The following ARAP3 variants were observed in gnomAD, a reference collection of about 807,000 sequenced individuals.
ARAP3 encodes ArfGAP with RhoGAP domain, ankyrin repeat and PH domain 3, also known as arf-GAP with Rho-GAP domain, ANK repeat and PH domain-containing protein 3.
ARAP3 carries 82 observed loss-of-function variants against 169.2 expected under a neutral mutation model. That is an observed-to-expected ratio of 0.48 (90% CI 0.41 to 0.58). The LOEUF is 0.58. Among genes scored for constraint, ARAP3 ranks in the 20% least tolerant of loss-of-function variants. The pLI, the probability that ARAP3 is intolerant of heterozygous loss-of-function variation, is 0.00. For synonymous variants in ARAP3, 791 were observed against 800.3 expected (o/e 0.99, Z 0.20); for missense variants, 1,764 against 2,018.0 (o/e 0.87, Z 2.41).
Position 141,672,854 on chromosome 5 carries a change from G to C in ARAP3, c.1165C>G (p.Pro389Ala). 6.2e-7 allele frequency: 1 copy of C among 1,605,904 alleles called. No homozygotes were observed. Among genetic ancestry groups the C allele is most frequent in the South Asian group, 1.1e-5 (1 of 90,352 alleles). ...KEQRLLGHPR[P>A]PQPPRPLRTG... ...CGGAGGGGTCGGGGTGGTTGGGGGG[G>C]CCGGGGGTGGCCCAGGAGGCGCTGC... Residue 389 changes from proline (P) to alanine (A), a missense_variant, in exon 8 of 33, where the codon CCC becomes GCC. Transcript: ENST00000239440. This position sits in a 1 kb window ranked among gnomAD's most constrained non-coding sequence, Gnocchi z 4.9.
chr5:141,670,595 A>G lies in ARAP3; in HGVS notation c.2024T>C (p.Val675Ala), dbSNP rs749227449. The part of the protein sequence containing the change: ...PSPGVYNEVV[V>A]RATYSGFLYC... ...CAGGAAGCCGCTGTAAGTAGCACGC[A>G]CCACCACCTCATTGTACACACCAGG... The change falls in exon 14 of 33, where the codon GTG becomes GCG. Residue 675 changes from valine to alanine, a missense_variant. Val to Ala is a moderately conservative substitution (Grantham distance 64). Coordinates refer to ENST00000239440, the MANE Select transcript of ARAP3 (RefSeq NM_022481.6). 1.9e-6 allele frequency: 3 copies of G among 1,614,068 alleles called. No homozygotes were observed. In the East Asian group the frequency reaches 6.7e-5, roughly 36 times the overall value.
In ARAP3 at chr5:141,656,228, G is replaced by A. The variant is rs752150905; in HGVS notation, c.3838C>T (p.Leu1280=). ...EWPLEGAKVY[L]GIRKKLKPPT... Reference sequence around the variant, plus strand: ...GGCTTTAACTTCTTGCGGATTCCCAGGTAGACCTTGGCACCTTCCAAAGGC... The same window carrying A: ...GGCTTTAACTTCTTGCGGATTCCCAAGTAGACCTTGGCACCTTCCAAAGGC... The change falls in exon 28 of 33, where the codon CTG becomes TTG. Residue 1280 remains leucine (L), a synonymous_variant. Transcript: ENST00000239440. The A allele has an allele frequency of 5.6e-6, 9 of 1,614,130 alleles. No individual in the cohort carries two copies. In the East Asian group the frequency reaches 2.0e-4, roughly 36 times the overall value.
At chr5:141,666,815 G>A in intron 16 of ARAP3, 172 bp from the exon 17 acceptor site, 1 of 418,400 alleles carries the variant, frequency 2.4e-6, no homozygotes, top group Non-Finnish European at 4.2e-6. Flanking sequence ...CAGCCAAGGA[G>A]GAGACATGAG....
chr5:141,671,142 G>T lies in ARAP3; in HGVS notation c.1990+123C>A. 7.6e-7 allele frequency: 1 copy of T among 1,314,842 alleles called. No homozygotes were observed. The highest frequency in any genetic ancestry group is 1.1e-6 in the Non-Finnish European group (1 of 951,022). 81.4% of individuals were successfully genotyped at this position (1,314,842 alleles called of 1,614,324 possible). Reference sequence around the variant, plus strand: ...GAGATAGGCCCTGGAGGATCTGAGGGTTTGGGAAACTGCCCAGGCTGGGCC... The same window carrying T: ...GAGATAGGCCCTGGAGGATCTGAGGTTTTGGGAAACTGCCCAGGCTGGGCC... On this transcript the variant is annotated intron_variant, in intron 13 of 32. Transcript: ENST00000239440. The surrounding 1 kb of genome is among the most constrained non-coding windows in gnomAD (Gnocchi z 4.9).
chr5:141,659,840 C>A lies in ARAP3; in HGVS notation c.3206G>T (p.Arg1069Leu), dbSNP rs188314811. The change falls in exon 22 of 33, where the codon CGA (arginine) becomes CTA (leucine). Residue 1069 changes from arginine to leucine, a missense_variant. Around this residue, in one of 3 missense-constraint regions of ARAP3, gnomAD observed 1,112 missense variants for 1,285.7 expected, o/e 0.86. Coordinates refer to ENST00000239440, the MANE Select transcript of ARAP3 (RefSeq NM_022481.6). ...FAPSVFQTDGRGEHEVRVLQE... is the reference protein window; with the variant it reads ...FAPSVFQTDGLGEHEVRVLQE... ...CAGCACTCGCACCTCGTGCTCCCCT[C>A]GCCCATCCGTCTGGAACACGCTGGG... is the stretch of plus-strand genomic sequence containing the variant. 24 of 1,609,240 alleles carry A rather than the reference C, an allele frequency of 1.5e-5. No homozygotes were observed. In the East Asian group the frequency reaches 5.1e-4, roughly 34 times the overall value.
intron 4 of ARAP3, among the ~76,000 whole-genome samples, chr5:141,675,282 C>G (rs1367713592): frequency 6.6e-6 from 1 of 152,152 alleles, no homozygotes; most frequent in African/African-American, 2.4e-5. Context: ...CAGGGGTTCT[C>G]AACCTCAACA....
rs1471775263 is a variant in ARAP3, at chr5:141,676,183, AC to A, written c.699-2376del. Among the ~76,000 whole-genome samples the A allele has an allele frequency of 2.6e-5, 4 of 152,274 alleles. No homozygotes were observed. The East Asian group carries it at 5.8e-4, about 22-fold the overall frequency. On this transcript the variant is annotated intron_variant, in intron 4 of 32. Transcript: ENST00000239440. ...GCCAACATGGTGAAACCCCGTCTCTACTAAAAGTACAAAAATTAGCTGGGTG... is the reference window on the plus strand; with the variant it reads ...GCCAACATGGTGAAACCCCGTCTCTATAAAAGTACAAAAATTAGCTGGGTG...
rs1238227865 is a variant in ARAP3, at chr5:141,655,718, G to A, written c.4013C>T (p.Ser1338Phe). Reference protein sequence around the residue: ...QQPVVLRRHSSSDLARQKFGT... With the variant: ...QQPVVLRRHSFSDLARQKFGT... ...AAACTTCTGACGGGCAAGGTCAGAG[G>A]AGGAATGGCGTCGTAAGACCACTGG... is the stretch of plus-strand genomic sequence containing the variant. The change falls in exon 31 of 33, where the codon TCC (serine) becomes TTC (phenylalanine). Residue 1338 changes from serine to phenylalanine, a missense_variant. Around this residue, in one of 3 missense-constraint regions of ARAP3, gnomAD observed 1,112 missense variants for 1,285.7 expected, o/e 0.86. Transcript: ENST00000239440. The A allele has an allele frequency of 6.8e-6, 11 of 1,614,230 alleles. No individual in the cohort carries two copies. Among genetic ancestry groups the A allele is most frequent in the Non-Finnish European group, 9.3e-6 (11 of 1,180,038 alleles).
chr5:141,659,849 G>T lies in ARAP3; in HGVS notation c.3197C>A (p.Thr1066Lys). Reference sequence around the variant, plus strand: ...CACCTCGTGCTCCCCTCGCCCATCCGTCTGGAACACGCTGGGTGCAAACAG... The same window carrying T: ...CACCTCGTGCTCCCCTCGCCCATCCTTCTGGAACACGCTGGGTGCAAACAG... ...ALLFAPSVFQ[T>K]DGRGEHEVRV... The change falls in exon 22 of 33, where the codon ACG becomes AAG. Residue 1066 changes from threonine (T) to lysine (K), a missense_variant. By Grantham distance (78) the Thr-to-Lys change is moderately conservative (BLOSUM62 -1). Transcript: ENST00000239440. 6.2e-7 allele frequency: 1 copy of T among 1,606,562 alleles called. No individual in the cohort carries two copies. The highest frequency in any genetic ancestry group is 8.5e-7 in the Non-Finnish European group (1 of 1,177,092).
rs762292586 is a variant in ARAP3 at position 141,662,060 on chromosome 5, C to T, written c.2996G>A (p.Arg999His). The change falls in exon 20 of 33, where the codon CGC (arginine) becomes CAC (histidine). Residue 999 changes from arginine (R) to histidine (H), a missense_variant. Physicochemically the swap from Arg to His is conservative, Grantham distance 29 (BLOSUM62 0). Transcript: ENST00000239440. The stretch of plus-strand genomic sequence containing the variant: ...AGGAATACCAGCAGCCTCCCTCCAG[C>T]GAGGCAGCAACCGTGCAGAGGTCAC... ...DPVTSARLLP[R>H]WREAAELPQK... 4.0e-5 allele frequency: 65 copies of T among 1,613,998 alleles called. No homozygotes were observed. In the East Asian group the frequency reaches 4.2e-4, roughly 11 times the overall value.
rs776332564 is a variant in ARAP3, at chr5:141,655,353, A to T, written c.4149+9T>A. 3 of 1,575,862 alleles carry T rather than the reference A, an allele frequency of 1.9e-6. No individual in the cohort carries two copies. Among genetic ancestry groups the T allele is most frequent in the Non-Finnish European group, 2.6e-6 (3 of 1,160,372 alleles). ...ACAGGCACACCGCTGGAGCAGGCAC[A>T]ATACTCACAAAGAACATGGACAGGG... On this transcript the variant is annotated intron_variant, in intron 32 of 32. Transcript: ENST00000239440.
Position 141,665,302 on chromosome 5 carries a change from G to A in ARAP3, c.2636+9C>T. ...GGGGAGCCCCAGGTCAAGGGCAGGG[G>A]CAATTTACCTTCCTGTCTCCACCAG... On this transcript the variant is annotated intron_variant, in intron 18 of 32. Coordinates refer to ENST00000239440, the MANE Select transcript of ARAP3 (RefSeq NM_022481.6). 6.2e-7 allele frequency: 1 copy of A among 1,614,128 alleles called. No homozygotes were observed. Among genetic ancestry groups the A allele is most frequent in the Non-Finnish European group, 8.5e-7 (1 of 1,179,998 alleles).
rs3075603 is a variant in ARAP3 at position 141,655,260 on chromosome 5, C to A, written c.4149+102G>T. On this transcript the variant is annotated intron_variant, in intron 32 of 32. Coordinates refer to ENST00000239440, the MANE Select transcript of ARAP3 (RefSeq NM_022481.6). ...CACACACACACACACACACACACAC[C>A]CCCTGATGGCCTACATGAGGAAAAC... 6.3e-3 allele frequency: 5,270 copies of A among 832,642 alleles called. 68 individuals are homozygous for A. Among genetic ancestry groups the A allele is most frequent in the African/African-American group, 0.026 (876 of 34,038 alleles). The allele number at this position is 832,642 out of a possible 1,614,324, so 51.6% of individuals were successfully genotyped here. A position where few individuals can be genotyped will look rare whatever the true frequency, so the allele number is the denominator to read the frequency against.
At chr5:141,678,091 C>T (rs1386451972) in intron 4 of ARAP3, among the ~76,000 whole-genome samples, 7 of 152,052 alleles carry the variant, frequency 4.6e-5, no homozygotes, top group South Asian at 2.1e-4. Context: ...GGACTACAGG[C>T]GCCCACCACC....
chr5:141,678,543 C>CA, intron 4 of ARAP3, among the ~76,000 whole-genome samples: 1 of 148,260 alleles, frequency 6.7e-6, no homozygotes, highest in East Asian at 2.0e-4. Context: ...CCCAAGCCCT[C>CA]TTTTTTTTTT....
chr5:141,660,327 C>T (rs1045088535), intron 21 of ARAP3, among the ~76,000 whole-genome samples: 7 of 151,962 alleles, frequency 4.6e-5, no homozygotes, highest in Non-Finnish European at 1.0e-4. Context: ...CCCGTCTCTA[C>T]TAAAAATACA....
At chr5:141,660,626 T>C (rs927617095) in intron 21 of ARAP3, among the ~76,000 whole-genome samples, 2 of 151,916 alleles carry the variant, frequency 1.3e-5, no homozygotes, top group African/African-American at 4.8e-5. Context: ...CCCTATAATA[T>C]AGTATATTTT....
intron 19 of ARAP3, among the ~76,000 whole-genome samples, chr5:141,663,444 C>T (rs1219418931): frequency 6.6e-6 from 1 of 152,214 alleles, no homozygotes; most frequent in Non-Finnish European, 1.5e-5. Flanking sequence ...CACCCGCCAC[C>T]ATGGCTGGCT....
In ARAP3 at chr5:141,666,551, C is replaced by A; in HGVS notation, c.2445G>T (p.Pro815=). 6.3e-7 allele frequency: 1 copy of A among 1,585,888 alleles called. No individual in the cohort carries two copies. Among genetic ancestry groups the A allele is most frequent in the Non-Finnish European group, 8.6e-7 (1 of 1,167,422 alleles). ...LWLRSPSHTA[P]APGLWLSGFG... is the part of the protein sequence containing the mutation. Reference sequence around the variant, plus strand: ...ACCCTGACAGCCAGAGACCAGGGGCCGGGGCTGTATGGGAGGGGGACCGCA... The same window carrying A: ...ACCCTGACAGCCAGAGACCAGGGGCAGGGGCTGTATGGGAGGGGGACCGCA... Residue 815 remains proline (P), a synonymous_variant, in exon 17 of 33, where the codon CCG becomes CCT. Coordinates refer to ENST00000239440, the MANE Select transcript of ARAP3 (RefSeq NM_022481.6).
Sources: gnomAD v4.1 joint callset for allele counts (sites outside exome capture counted in the v4.1 genomes callset) on GRCh38, gnomAD v4.1.1 for gene constraint, gnomAD v4.1.1 regional missense constraint, Gnocchi (gnomAD v3.1) non-coding constraint, MANE v1.5 for transcripts, NCBI Gene and HGNC (gene_info 2026-07-23, HGNC 2026-07-21) for gene names.